CNTNAP2: variants seen among roughly 807,000 people sequenced by gnomAD.
The protein encoded by CNTNAP2 is contactin-associated protein-like 2.
In CNTNAP2, 98 loss-of-function variants were observed where a neutral mutation model predicts 155.2. The observed-to-expected ratio is 0.63, with a 90% CI of 0.54 to 0.75. The LOEUF (loss-of-function observed/expected upper bound fraction) is 0.75. CNTNAP2 is among the 30% of genes least tolerant of loss of function. The pLI, the probability that CNTNAP2 is intolerant of heterozygous loss-of-function variation, is 0.00. For missense variants in CNTNAP2, 1,727 were observed against 1,688.1 expected (o/e 1.02, Z -0.40); for synonymous variants, 651 against 631.2 (o/e 1.03, Z -0.47).
chr7:148,004,984 G>A (rs1304402964), intron 15 of CNTNAP2, among the ~76,000 whole-genome samples: 1 of 152,198 alleles, frequency 6.6e-6, no homozygotes, highest in Non-Finnish European at 1.5e-5. Flanking sequence ...GATCCTAAAT[G>A]GATTGAGTTT....
intron 1 of CNTNAP2, among the ~76,000 whole-genome samples, chr7:146,672,437 A>C (rs969360204): frequency 6.6e-6 from 1 of 152,192 alleles, no homozygotes; most frequent in Non-Finnish European, 1.5e-5. Flanking sequence ...GCTCATGCCT[A>C]TAGAAGTCAT....
chr7:147,335,476 C>A (rs1162596502), intron 9 of CNTNAP2, among the ~76,000 whole-genome samples: 2 of 152,050 alleles, frequency 1.3e-5, no homozygotes, highest in Non-Finnish European at 2.9e-5. Flanking sequence ...AATTTTCTGG[C>A]TTCCAGCATG....
intron 1 of CNTNAP2, among the ~76,000 whole-genome samples, chr7:146,570,245 A>G (rs911392806): frequency 1.3e-5 from 2 of 152,070 alleles, no homozygotes; most frequent in Non-Finnish European, 2.9e-5. Flanking sequence ...TTGATTATCA[A>G]GGAGTAATTT....
intron 10 of CNTNAP2, among the ~76,000 whole-genome samples, chr7:147,459,225 T>C (rs781752127): frequency 3.3e-5 from 5 of 152,180 alleles, no homozygotes; most frequent in African/African-American, 4.8e-5. Context: ...TTGCATTTGG[T>C]TAGTGGGACA....
At chr7:146,617,462 T>C (rs1417371111) in intron 1 of CNTNAP2, among the ~76,000 whole-genome samples, 1 of 152,222 alleles carries the variant, frequency 6.6e-6, no homozygotes, top group Non-Finnish European at 1.5e-5. Context: ...AAGATCTTAC[T>C]TTTTCTGAAA....
In CNTNAP2 at chr7:148,389,915, C is replaced by T. The variant is rs536904601; in HGVS notation, c.3715+6027C>T. ...CCAATATCTAGTACTAAACCCCTGA[C>T]GGACCAAATCAGACCCTCGGGGGGA... On this transcript the variant is annotated intron_variant, in intron 22 of 23. Coordinates refer to ENST00000361727, the MANE Select transcript of CNTNAP2 (RefSeq NM_014141.6). 14 of 152,248 alleles carry T rather than the reference C, an allele frequency of 9.2e-5. No individual in the cohort carries two copies. The East Asian group carries it at 1.9e-3, about 21-fold the overall frequency. The allele number at this position is 152,248 out of a possible 1,614,324, so 9.4% of individuals were successfully genotyped here.
rs143178308 is a variant in CNTNAP2, at chr7:148,079,574, G to A, written c.2384-38544G>A. Among the ~76,000 whole-genome samples, 4 of 152,300 alleles carry A rather than the reference G, an allele frequency of 2.6e-5. No individual in the cohort carries two copies. The East Asian group carries it at 7.7e-4, about 29-fold the overall frequency. ...GAATTCTCTCCTGGATTAGGGAAAA[G>A]ACCTGGAAATGGAAAGGGATTCTCT... On this transcript the variant is annotated intron_variant, in intron 15 of 23. Transcript: ENST00000361727.
chr7:148,317,961 G>A (rs767111765), intron 21 of CNTNAP2, among the ~76,000 whole-genome samples: 2 of 151,922 alleles, frequency 1.3e-5, no homozygotes, highest in African/African-American at 2.4e-5. Context: ...GATTACAGGC[G>A]TGAGCCTCCG....
chr7:147,493,197 T>C (rs1296330177), intron 11 of CNTNAP2, among the ~76,000 whole-genome samples: 3 of 152,212 alleles, frequency 2.0e-5, no homozygotes, highest in African/African-American at 7.2e-5. Flanking sequence ...TATCTCAGTA[T>C]TTCAATAAAT....
chr7:147,773,482 A>C (rs1279601821), intron 13 of CNTNAP2, among the ~76,000 whole-genome samples: 1 of 152,180 alleles, frequency 6.6e-6, no homozygotes, highest in African/African-American at 2.4e-5. Context: ...GTAAAACAAA[A>C]ACAAAAACAA....
chr7:148,303,637 G>A (rs780749115), intron 21 of CNTNAP2, among the ~76,000 whole-genome samples: 28 of 152,268 alleles, frequency 1.8e-4, no homozygotes, highest in African/African-American at 4.6e-4. Context: ...TTACCATCAC[G>A]TCTGGATGAT....
intron 12 of CNTNAP2, among the ~76,000 whole-genome samples, chr7:147,564,604 G>A (rs10279399): frequency 0.45 from 67,608 of 151,484 alleles, 15,229 homozygotes; most frequent in East Asian, 0.61. Context: ...TCATCTCAAA[G>A]GAAATTAGAA....
chr7:147,736,228 ATC>A, intron 13 of CNTNAP2, among the ~76,000 whole-genome samples: 1 of 151,880 alleles, frequency 6.6e-6, no homozygotes, highest in African/African-American at 2.4e-5. Context: ...TGGTGACAAA[ATC>A]TCTCAGCATT....
chr7:146,363,334 C>A (rs1004248912), intron 1 of CNTNAP2, among the ~76,000 whole-genome samples: 2 of 152,142 alleles, frequency 1.3e-5, no homozygotes, highest in African/African-American at 4.8e-5. Flanking sequence ...GTCTATCTAA[C>A]TTCTGTATTT....
intron 3 of CNTNAP2, among the ~76,000 whole-genome samples, chr7:146,885,927 C>CGG (rs1562987206): frequency 1.1e-5 from 1 of 94,968 alleles, no homozygotes; most frequent in Non-Finnish European, 2.1e-5. Context: ...ATATGTAAGT[C>CGG]GGTGTGTGTG....
intron 1 of CNTNAP2, among the ~76,000 whole-genome samples, chr7:146,607,091 T>C (rs1003146909): frequency 1.3e-5 from 2 of 152,204 alleles, no homozygotes; most frequent in Admixed American, 6.5e-5. Flanking sequence ...TTCCTCCTTC[T>C]AATTCAAAAT....
chr7:146,358,779 C>G (rs1795040619), intron 1 of CNTNAP2, among the ~76,000 whole-genome samples: 1 of 152,078 alleles, frequency 6.6e-6, no homozygotes, highest in African/African-American at 2.4e-5. Context: ...ATAAACTGAG[C>G]TTGATATGAT....
chr7:147,108,386 T>G, intron 5 of CNTNAP2, 36 bp downstream of exon 5: 1 of 1,544,824 alleles, frequency 6.5e-7, no homozygotes, highest in Non-Finnish European at 8.9e-7. Flanking sequence ...CTTTCCGTTA[T>G]GGATGTTCCC....
chr7:148,371,242 T>C (rs1484063823), intron 21 of CNTNAP2, among the ~76,000 whole-genome samples: 10 of 152,150 alleles, frequency 6.6e-5, no homozygotes, highest in Admixed American at 6.6e-4. Flanking sequence ...AGCCCCATTG[T>C]CCCAACAAAG....
Sources: gnomAD v4.1 joint callset for allele counts (sites outside exome capture counted in the v4.1 genomes callset) on GRCh38, gnomAD v4.1.1 for gene constraint, MANE v1.5 for transcripts, NCBI Gene and HGNC (gene_info 2026-07-23, HGNC 2026-07-21) for gene names.